Variants in TMEM116 observed in about 807,000 individuals in gnomAD.
TMEM116 encodes the protein transmembrane protein 116.
A neutral mutation model predicts 44.3 loss-of-function variants in TMEM116; 38 were observed. The observed-to-expected ratio is 0.86, with a 90% CI of 0.66 to 1.12. TMEM116 has a LOEUF of 1.12. TMEM116 is among the 50% of genes most tolerant of loss of function. The pLI is 0.00. For missense variants in TMEM116, 354 were observed against 401.7 expected (o/e 0.88, Z 1.01); for synonymous variants, 132 against 144.8 (o/e 0.91, Z 0.64).
intron 4 of TMEM116, among the ~76,000 whole-genome samples, chr12:111,959,827 C>T (rs2074442382): frequency 6.6e-6 from 1 of 152,154 alleles, no homozygotes. Context: ...TATATATGCA[C>T]CCAATACAGG....
At chr12:112,003,541 C>T in intron 3 of TMEM116, 2 of 300,464 alleles carry the variant, frequency 6.7e-6, no homozygotes, top group South Asian at 7.7e-5. Context: ...GCACTCCAGC[C>T]TGGGTGACAG....
At chr12:111,941,835 C>A (rs1847229978) in intron 5 of TMEM116, among the ~76,000 whole-genome samples, 1 of 151,990 alleles carries the variant, frequency 6.6e-6, no homozygotes, top group South Asian at 2.1e-4. Context: ...AAGAAGAGTA[C>A]CTCCTTAAGA....
intron 1 of TMEM116, 79 bp from the exon 2 acceptor site, chr12:112,005,382 G>T: frequency 9.9e-7 from 1 of 1,005,350 alleles, no homozygotes; most frequent in Non-Finnish European, 1.3e-6. Flanking sequence ...TTAACTATCT[G>T]TACAGCATGA....
chr12:111,947,178 T>C lies in TMEM116; in HGVS notation c.211-3809A>G, dbSNP rs74989005. 0.012 allele frequency among the ~76,000 whole-genome samples: 1,883 copies of C among 152,050 alleles called. 129 individuals carry two copies. In the South Asian group the frequency reaches 0.18, roughly 15 times the overall value. On this transcript the variant is annotated intron_variant, in intron 4 of 10. Transcript: ENST00000552374. Reference sequence around the variant, plus strand: ...CTGTACTTGCTTTTAAAGACTTTTTTTTTTTTTTTTGCTTTTAAAGACTTT... The same window carrying C: ...CTGTACTTGCTTTTAAAGACTTTTTCTTTTTTTTTTGCTTTTAAAGACTTT...
Position 112,013,145 on chromosome 12 carries a change from A to T in TMEM116, c.-177T>A. 3.1e-6 allele frequency: 1 copy of T among 325,898 alleles called. No individual in the cohort carries two copies. Among genetic ancestry groups the T allele is most frequent in the Admixed American group, 4.9e-5 (1 of 20,264 alleles). 20.2% of individuals were successfully genotyped at this position (325,898 alleles called of 1,614,324 possible). ...CCATGCGCACTTGGCGCTTCTCCTC[A>T]AGCGGAGCAGGAACGGAACTGGGCG... On this transcript the variant is annotated 5_prime_UTR_variant, in exon 1 of 11. Transcript: ENST00000552374.
In TMEM116 at chr12:111,946,613, G is replaced by T. The variant is rs2073299751; in HGVS notation, c.211-3244C>A. Among the ~76,000 whole-genome samples the T allele has an allele frequency of 2.0e-5, 3 of 152,288 alleles. No individual in the cohort carries two copies. In the South Asian group the frequency reaches 6.2e-4, roughly 32 times the overall value. On this transcript the variant is annotated intron_variant, in intron 4 of 10. Coordinates refer to ENST00000552374, the MANE Select transcript of TMEM116 (RefSeq NM_001193531.2). ...AGTAAACCCACAACCTTCAGCGTGG[G>T]CGTCATGGCCATCACAAACATGTCA...
At chr12:111,984,076 T>C (rs2076091571) in intron 4 of TMEM116, among the ~76,000 whole-genome samples, 1 of 152,140 alleles carries the variant, frequency 6.6e-6, no homozygotes, top group Non-Finnish European at 1.5e-5. Context: ...CTATCGTCTA[T>C]ATGACTATTT....
At chr12:111,998,186 A>C (rs1287591538) in intron 3 of TMEM116, among the ~76,000 whole-genome samples, 2 of 152,156 alleles carry the variant, frequency 1.3e-5, no homozygotes, top group Non-Finnish European at 2.9e-5. Flanking sequence ...GCACCAAAGA[A>C]AGTTTTGGGA....
At chr12:111,972,594 T>C (rs2075409481) in intron 4 of TMEM116, among the ~76,000 whole-genome samples, 2 of 152,094 alleles carry the variant, frequency 1.3e-5, no homozygotes, top group Admixed American at 1.3e-4. Flanking sequence ...ATAAAATAAG[T>C]CTTGCCGGGT....
intron 4 of TMEM116, among the ~76,000 whole-genome samples, chr12:111,949,830 A>G (rs2073573888): frequency 6.6e-6 from 1 of 152,168 alleles, no homozygotes; most frequent in African/African-American, 2.4e-5. Context: ...ACTAAAACCA[A>G]ATAGGTCAGG....
intron 4 of TMEM116, among the ~76,000 whole-genome samples, chr12:111,974,126 T>A (rs1661429395): frequency 1.3e-5 from 2 of 151,914 alleles, no homozygotes; most frequent in Admixed American, 6.6e-5. Flanking sequence ...TAACATCCAT[T>A]CTCAATTTTA....
intron 4 of TMEM116, among the ~76,000 whole-genome samples, chr12:111,956,937 G>A (rs530331521): frequency 3.9e-5 from 6 of 151,916 alleles, no homozygotes; most frequent in Admixed American, 6.6e-5. Flanking sequence ...CCGCCACCCC[G>A]TATAGGAAGT....
chr12:111,977,751 A>G lies in TMEM116; in HGVS notation c.210+14007T>C, dbSNP rs1052256766. 2.0e-5 allele frequency among the ~76,000 whole-genome samples: 3 copies of G among 152,148 alleles called. No individual in the cohort carries two copies. The South Asian group carries it at 6.2e-4, about 31-fold the overall frequency. ...GGTAAGTAAAATAAACAACAGCAAT[A>G]TTATAAGAGACAGGAAAGAACAACT... On this transcript the variant is annotated intron_variant, in intron 4 of 10. Coordinates refer to ENST00000552374, the MANE Select transcript of TMEM116 (RefSeq NM_001193531.2).
chr12:111,994,608 G>A (rs930241415), intron 3 of TMEM116, among the ~76,000 whole-genome samples: 5 of 152,110 alleles, frequency 3.3e-5, no homozygotes, highest in Non-Finnish European at 5.9e-5. Context: ...ATGTAACATC[G>A]GTATGCATAA....
At chr12:112,007,456 A>G (rs1208524042) in intron 1 of TMEM116, among the ~76,000 whole-genome samples, 1 of 152,098 alleles carries the variant, frequency 6.6e-6, no homozygotes, top group Non-Finnish European at 1.5e-5. Flanking sequence ...CAGAAACCAA[A>G]CCAACCAAAC....
chr12:111,960,094 T>C (rs1293568812), intron 4 of TMEM116, among the ~76,000 whole-genome samples: 1 of 152,120 alleles, frequency 6.6e-6, no homozygotes, highest in Non-Finnish European at 1.5e-5. Flanking sequence ...GACCATATAA[T>C]TGGAAATAAA....
chr12:111,984,836 TA>T (rs958035783), intron 4 of TMEM116, among the ~76,000 whole-genome samples: 18 of 150,478 alleles, frequency 1.2e-4, no homozygotes, highest in African/African-American at 3.2e-4. Flanking sequence ...CCCACAAAAT[TA>T]AAAAAAAAAT....
At chr12:111,951,479 T>C (rs528175496) in intron 4 of TMEM116, among the ~76,000 whole-genome samples, 109 of 152,294 alleles carry the variant, frequency 7.2e-4, no homozygotes, top group African/African-American at 2.5e-3. Context: ...TGGAATACCA[T>C]ACAGTCATAA....
intron 4 of TMEM116, among the ~76,000 whole-genome samples, chr12:111,963,374 G>C (rs932171146): frequency 2.4e-4 from 37 of 152,318 alleles, no homozygotes; most frequent in Non-Finnish European, 4.4e-5. Context: ...ATATGCCCAT[G>C]TATGTTTATT....
Sources: gnomAD v4.1 joint callset for allele counts (sites outside exome capture counted in the v4.1 genomes callset) on GRCh38, gnomAD v4.1.1 for gene constraint, MANE v1.5 for transcripts, NCBI Gene and HGNC (gene_info 2026-07-23, HGNC 2026-07-21) for gene names.